TENT2: variants seen among roughly 807,000 people sequenced by gnomAD.
TENT2 encodes the protein poly(A) RNA polymerase GLD2.
Under a neutral mutation model 72.2 loss-of-function variants are expected in TENT2, and 44 were observed. That is an observed-to-expected ratio of 0.61 (90% CI 0.48 to 0.78). The LOEUF is 0.78. Ranked by LOEUF, TENT2 falls within the 30% of genes least tolerant of loss-of-function variation. TENT2 has a pLI of 0.00. For synonymous variants in TENT2, 212 were observed against 192.5 expected, an observed-to-expected ratio of 1.10 and a Z score of -0.84; for missense variants, 541 against 569.6, an observed-to-expected ratio of 0.95 and a Z score of 0.51.
At chr5:79,636,473 G>C (rs1392888004) in intron 4 of TENT2, among the ~76,000 whole-genome samples, 3 of 152,078 alleles carry the variant, frequency 2.0e-5, no homozygotes, top group Non-Finnish European at 4.4e-5. Flanking sequence ...CTTGATTACT[G>C]TAGTGTTATA....
At chr5:79,630,130 G>A (rs59421001) in intron 4 of TENT2, among the ~76,000 whole-genome samples, 30,876 of 152,014 alleles carry the variant, frequency 0.2, 4,634 homozygotes, top group African/African-American at 0.42. Flanking sequence ...GCAGGACTCC[G>A]TCTCAAAAAT....
intron 4 of TENT2, among the ~76,000 whole-genome samples, chr5:79,629,786 C>T (rs1773655792): frequency 6.7e-6 from 1 of 148,308 alleles, no homozygotes; most frequent in Admixed American, 6.8e-5. Flanking sequence ...GAGATCGTGC[C>T]ACTGCACTCC....
chr5:79,681,150 A>ATTTTTTTTTTTTTTTTTTTTT (rs1158559796), intron 13 of TENT2, among the ~76,000 whole-genome samples: 8 of 44,756 alleles, frequency 1.8e-4, no homozygotes, highest in Non-Finnish European at 3.0e-4. Flanking sequence ...CTTTTCTTTG[A>ATTTTTTTTTTTTTTTTTTTTT]TTTTTTTTTT....
chr5:79,670,352 TCTCA>T (rs1427671316), intron 12 of TENT2, among the ~76,000 whole-genome samples: 3 of 151,642 alleles, frequency 2.0e-5, no homozygotes, highest in Non-Finnish European at 4.4e-5. Flanking sequence ...TGAGACGGAG[TCTCA>T]CTGTGTTGCC....
chr5:79,646,322 CAA>C (rs777438013), intron 8 of TENT2, among the ~76,000 whole-genome samples: 3 of 152,086 alleles, frequency 2.0e-5, no homozygotes, highest in Non-Finnish European at 4.4e-5. Context: ...ACAATGTCTT[CAA>C]ATAGAAGCAC....
At position 79,619,699 on chromosome 5, in the gene TENT2, A is replaced by G. The variant is rs761076421; in HGVS notation, c.51A>G (p.Gln17=). 6.2e-7 allele frequency: 1 copy of G among 1,613,934 alleles called. No individual in the cohort carries two copies. Among genetic ancestry groups the G allele is most frequent in the South Asian group, 1.1e-5 (1 of 91,062 alleles). ...LGRPPFTPNH[Q]QHNNFFTLSP... ...GCCCACCCTTCACTCCAAATCATCA[A>G]CAACATAATAACTTCTTTACCCTGT... Residue 17 remains glutamine (Q), a synonymous_variant, in exon 2 of 15, where the codon CAA becomes CAG. Transcript: ENST00000453514.
At chr5:79,665,521 C>G (rs182930778) in intron 11 of TENT2, among the ~76,000 whole-genome samples, 1 of 152,246 alleles carries the variant, frequency 6.6e-6, no homozygotes, top group East Asian at 1.9e-4. Context: ...GGTGAGAGTT[C>G]TCAGATGTTT....
chr5:79,659,557 T>A (rs1179049771), intron 11 of TENT2, among the ~76,000 whole-genome samples: 547 of 8,096 alleles, frequency 0.068, 29 homozygotes, highest in African/African-American at 0.22. Flanking sequence ...AAAAAAAATG[T>A]ATATATATAT....
intron 12 of TENT2, among the ~76,000 whole-genome samples, chr5:79,674,586 A>C (rs1257210969): frequency 6.6e-6 from 1 of 152,198 alleles, no homozygotes; most frequent in African/African-American, 2.4e-5. Context: ...TATTCTTAGG[A>C]GATATATACT....
chr5:79,666,524 T>A (rs1808174162), intron 11 of TENT2, among the ~76,000 whole-genome samples: 1 of 151,686 alleles, frequency 6.6e-6, no homozygotes, highest in South Asian at 2.1e-4. Context: ...ATCTTTCTAT[T>A]TTTTTTAGAG....
At chr5:79,682,336 G>T (rs746493684) in intron 14 of TENT2, among the ~76,000 whole-genome samples, 32 of 152,016 alleles carry the variant, frequency 2.1e-4, no homozygotes, top group Non-Finnish European at 4.1e-4. Flanking sequence ...CTGGAGTGTA[G>T]TGGCACAGTC....
intron 11 of TENT2, among the ~76,000 whole-genome samples, chr5:79,662,058 T>C (rs764565899): frequency 5.9e-5 from 9 of 152,230 alleles, no homozygotes; most frequent in Non-Finnish European, 1.2e-4. Context: ...TGGTATTTTG[T>C]TGTCATTTCA....
At chr5:79,630,751 G>T (rs769144904) in intron 4 of TENT2, among the ~76,000 whole-genome samples, 22 of 151,836 alleles carry the variant, frequency 1.4e-4, no homozygotes, top group Non-Finnish European at 2.8e-4. Context: ...GGGAAGAGGG[G>T]CATATTTTGC....
chr5:79,664,277 C>T (rs967127187), intron 11 of TENT2, among the ~76,000 whole-genome samples: 18 of 152,134 alleles, frequency 1.2e-4, no homozygotes, highest in Admixed American at 7.2e-4. Context: ...CATCAATTAC[C>T]TGAAACAGGC....
At chr5:79,651,618 T>C (rs1295024670) in intron 10 of TENT2, among the ~76,000 whole-genome samples, 1 of 152,074 alleles carries the variant, frequency 6.6e-6, no homozygotes, top group Non-Finnish European at 1.5e-5. Context: ...TTTTTTTGTT[T>C]ATGACAGCTT....
chr5:79,613,862 G>A (rs1357346278), intron 1 of TENT2: 2 of 152,178 alleles, frequency 1.3e-5, no homozygotes, highest in African/African-American at 4.8e-5. Flanking sequence ...AAGTGGGTTT[G>A]AGATATCAAA....
chr5:79,641,274 G>GAAAAAAAAAA, intron 6 of TENT2, 78 bp downstream of exon 6: 1 of 1,239,258 alleles, frequency 8.1e-7, no homozygotes, highest in Non-Finnish European at 1.1e-6. Context: ...GTCATTGAGG[G>GAAAAAAAAAA]AAAAAACTTG....
chr5:79,632,753 G>GACTCT lies in TENT2; in HGVS notation c.466-8097_466-8093dup, dbSNP rs201199810. Reference sequence around the variant, plus strand: ...ATAGTTATCTTACAGATCTCTAAAGGACTCTGTCTTTTTAATTTATGTGTT... The same window carrying GACTCT: ...ATAGTTATCTTACAGATCTCTAAAGGACTCTACTCTGTCTTTTTAATTTATGTGTT... On this transcript the variant is annotated intron_variant, in intron 4 of 14. Transcript: ENST00000453514. 8.7e-4 allele frequency among the ~76,000 whole-genome samples: 132 copies of GACTCT among 152,252 alleles called. 1 individual carries two copies. The East Asian group carries it at 0.018, about 20-fold the overall frequency.
intron 10 of TENT2, among the ~76,000 whole-genome samples, chr5:79,650,244 A>G (rs527627140): frequency 1.3e-5 from 2 of 152,264 alleles, no homozygotes; most frequent in African/African-American, 4.8e-5. Context: ...TAGAATACCT[A>G]CCAAATAAAT....
Sources: allele counts gnomAD v4.1 joint callset (sites outside exome capture counted in the v4.1 genomes callset), GRCh38; gene constraint gnomAD v4.1.1; transcripts MANE v1.5; gene names NCBI Gene and HGNC (gene_info 2026-07-23, HGNC 2026-07-21).